Variants in IRF3 observed in about 807,000 individuals in gnomAD.
IRF3 encodes the protein interferon regulatory factor 3.
Under a neutral mutation model 43.2 loss-of-function variants are expected in IRF3, and 29 were observed. That is an observed-to-expected ratio of 0.67 (90% CI 0.50 to 0.91). The LOEUF is 0.91. Ranked by LOEUF, IRF3 falls within the 40% of genes least tolerant of loss-of-function variation. The pLI is 0.00. For missense variants in IRF3, 505 were observed against 559.1 expected (o/e 0.90, Z 0.98); for synonymous variants, 228 against 233.9 (o/e 0.97, Z 0.23).
At chr19:49,660,866 ACC>A in intron 6 of IRF3, 38 bp from the exon 7 acceptor site, 1 of 1,558,464 alleles carries the variant, frequency 6.4e-7, no homozygotes, top group Non-Finnish European at 8.7e-7. Context: ...TGAGAAGAGG[ACC>A]CTCTACCCAC....
At chr19:49,660,537 G>A (rs2081277347) in intron 7 of IRF3, among the ~76,000 whole-genome samples, 176 bp downstream of exon 7, 1 of 152,156 alleles carries the variant, frequency 6.6e-6, no homozygotes, top group South Asian at 2.1e-4. Context: ...GTTCAAAACA[G>A]GTTCTGCAGG....
In IRF3 at chr19:49,663,323, C is replaced by A; in HGVS notation, c.337+20G>T. On this transcript the variant is annotated intron_variant, in intron 3 of 7. Transcript: ENST00000377139. ...ACCCTTGGGGCCCCAGCCTCCCACA[C>A]GAACCCCAAGCTGGCAGACCTGAGT... 6.2e-7 allele frequency: 1 copy of A among 1,614,126 alleles called. No homozygotes were observed. Among genetic ancestry groups the A allele is most frequent in the Non-Finnish European group, 8.5e-7 (1 of 1,179,974 alleles).
At chr19:49,660,458 C>T (rs555344631) in intron 7 of IRF3, among the ~76,000 whole-genome samples, 77 of 152,226 alleles carry the variant, frequency 5.1e-4, no homozygotes, top group Non-Finnish European at 3.5e-4. Flanking sequence ...CCTCCCTGTC[C>T]GTGGAAATAT....
intron 7 of IRF3, among the ~76,000 whole-genome samples, 195 bp from the exon 8 acceptor site, chr19:49,660,028 C>CACACACACA (rs1555753000): frequency 0.022 from 2,462 of 109,800 alleles, 196 homozygotes; most frequent in African/African-American, 0.047. Context: ...CACACACACA[C>CACACACACA]CCCCTGCTGT....
chr19:49,662,389 A>C (rs1348159481), intron 5 of IRF3, 36 bp downstream of exon 5: 4 of 1,597,260 alleles, frequency 2.5e-6, no homozygotes, highest in Non-Finnish European at 3.4e-6. Flanking sequence ...GCTGCCGCCC[A>C]GACCTCAGCC....
chr19:49,662,588 G>C lies in IRF3; in HGVS notation c.438C>G (p.Asn146Lys), dbSNP rs199550479. Reference sequence around the variant, plus strand: ...GATCTGGGAGTGGGGCCAACACCATGTTACCCAGTAACTCATCCAGAATGT... The same window carrying C: ...GATCTGGGAGTGGGGCCAACACCATCTTACCCAGTAACTCATCCAGAATGT... ...QEDILDELLG[N>K]MVLAPLPDPG... is the part of the protein sequence containing the mutation. The change falls in exon 5 of 8, where the codon AAC (asparagine) becomes AAG (lysine). Residue 146 changes from asparagine to lysine, a missense_variant. Transcript: ENST00000377139. 1.1e-4 allele frequency: 161 copies of C among 1,529,514 alleles called. No homozygotes were observed. Among genetic ancestry groups the C allele is most frequent in the Admixed American group, 4.1e-4 (17 of 41,782 alleles). The allele number at this position is 1,529,514 out of a possible 1,614,324, so 94.7% of individuals were successfully genotyped here.
intron 1 of IRF3, 111 bp from the exon 2 acceptor site, chr19:49,664,957 C>A: frequency 8.4e-7 from 1 of 1,191,830 alleles, no homozygotes; most frequent in Middle Eastern, 3.0e-4. Context: ...GGTCCTTCAC[C>A]CATATTTTCG....
In IRF3 at chr19:49,665,836, G is replaced by C. The variant is rs1226742962; in HGVS notation, c.-214C>G. 1 of 1,596,802 alleles carries C rather than the reference G, an allele frequency of 6.3e-7. No individual in the cohort carries two copies. Among genetic ancestry groups the C allele is most frequent in the South Asian group, 1.1e-5 (1 of 90,770 alleles). On this transcript the variant is annotated 5_prime_UTR_variant, in exon 1 of 8. Transcript: ENST00000377139. ...GACCCAAAAGCCGATGGGACGGCCC[G>C]CTGGGCTGTTCCCGCCCCTATGCCC... is the stretch of plus-strand genomic sequence containing the variant.
rs141490768 is a variant in IRF3 at position 49,659,696 on chromosome 19, C to T, written c.1236G>A (p.Leu412=). 974 of 1,613,916 alleles carry T rather than the reference C, an allele frequency of 6.0e-4. 5 individuals carry two copies. The Middle Eastern group carries it at 6.3e-3, about 10-fold the overall frequency. ...SLTSDQYKAY[L]QDLVEGMDFQ... ...AATCCATGCCCTCCACCAAGTCCTG[C>T]AGGTAGGCCTTGTACTGGTCGGAGG... is the stretch of plus-strand genomic sequence containing the variant. Residue 412 remains leucine, a synonymous_variant, in exon 8 of 8, where the codon CTG becomes CTA. Transcript: ENST00000377139.
chr19:49,660,911 C>T (rs2081296759), intron 6 of IRF3, 83 bp from the exon 7 acceptor site: 7 of 1,490,122 alleles, frequency 4.7e-6, no homozygotes, highest in Non-Finnish European at 6.3e-6. Context: ...TAACCCCCAC[C>T]ACCTCCCCTG....
At chr19:49,664,495 C>T (rs766402694) in intron 2 of IRF3, 179 bp downstream of exon 2, 2 of 1,559,262 alleles carry the variant, frequency 1.3e-6, no homozygotes, top group African/African-American at 1.4e-5. Flanking sequence ...CTGCTTGCGC[C>T]CCACCATCAG....
chr19:49,662,980 C>T (rs1229629964), intron 4 of IRF3, among the ~76,000 whole-genome samples: 3 of 152,146 alleles, frequency 2.0e-5, no homozygotes, highest in East Asian at 1.9e-4. Context: ...CATGAAATCC[C>T]GGGAAGGTGT....
chr19:49,664,985 C>A, intron 1 of IRF3, 139 bp from the exon 2 acceptor site: 2 of 852,726 alleles, frequency 2.3e-6, no homozygotes, highest in South Asian at 3.6e-5. Context: ...AAACAGGAAA[C>A]CTCCTCTTCC....
chr19:49,664,953 T>C, intron 1 of IRF3, 107 bp from the exon 2 acceptor site: 1 of 1,210,342 alleles, frequency 8.3e-7, no homozygotes. Context: ...CACAGGTCCT[T>C]CACCCATATT....
At chr19:49,660,107 C>G (rs1247118251) in intron 7 of IRF3, among the ~76,000 whole-genome samples, 2 of 150,650 alleles carry the variant, frequency 1.3e-5, no homozygotes, top group Non-Finnish European at 2.9e-5. Flanking sequence ...CACACACACA[C>G]ACACGTCAGG....
chr19:49,663,991 C>T (rs1404472545), intron 2 of IRF3: 4 of 225,640 alleles, frequency 1.8e-5, no homozygotes, highest in Admixed American at 1.0e-4. Context: ...CTACTGTGCT[C>T]GGCCTCTTCA....
intron 1 of IRF3, 68 bp downstream of exon 1, chr19:49,665,563 G>A (rs1329164380): frequency 1.0e-5 from 5 of 493,666 alleles, no homozygotes; most frequent in South Asian, 7.5e-5. Flanking sequence ...TCTCCGTGCA[G>A]ACCCATCCTC....
At chr19:49,661,795 G>C in intron 6 of IRF3, 153 bp downstream of exon 6, 2 of 847,712 alleles carry the variant, frequency 2.4e-6, no homozygotes, top group Non-Finnish European at 3.7e-6. Flanking sequence ...TGACCAGGCT[G>C]GTCTCGAACT....
intron 1 of IRF3, chr19:49,665,188 T>C (rs902130290): frequency 7.4e-6 from 2 of 271,028 alleles, no homozygotes; most frequent in African/African-American, 4.5e-5. Context: ...TCCCTAGTTA[T>C]TTCAGTGCAG....
Sources: gnomAD v4.1 joint callset for allele counts (sites outside exome capture counted in the v4.1 genomes callset) on GRCh38, gnomAD v4.1.1 for gene constraint, MANE v1.5 for transcripts, NCBI Gene and HGNC (gene_info 2026-07-23, HGNC 2026-07-21) for gene names.